ACTN1: variants seen among roughly 807,000 people sequenced by gnomAD.
The protein encoded by ACTN1 is actinin alpha 1, also known as alpha-actinin-1.
ACTN1 carries 30 observed loss-of-function variants against 119.6 expected under a neutral mutation model. The observed-to-expected ratio is 0.25, with a 90% CI of 0.19 to 0.34. ACTN1 has a LOEUF of 0.34. Ranked by LOEUF, ACTN1 falls within the 10% of genes least tolerant of loss-of-function variation. The pLI, the probability that ACTN1 is intolerant of heterozygous loss-of-function variation, is 1.00. For missense variants in ACTN1, 764 were observed against 1,223.4 expected, an observed-to-expected ratio of 0.62 and a Z score of 5.60; for synonymous variants, 429 against 472.6, an observed-to-expected ratio of 0.91 and a Z score of 1.20.
At position 68,880,909 on chromosome 14, in the gene ACTN1, G is replaced by A. The variant is rs761017313; in HGVS notation, c.2034C>T (p.Ile678=). The part of the protein sequence containing the change: ...LSHLRQYEKS[I]VNYKPKIDQL... ...GATCAATCTTTGGCTTGTAGTTGAC[G>A]ATGCTCTTCTCATACTGCCGCAGGT... The change falls in exon 17 of 22, where the codon ATC becomes ATT. Residue 678 remains isoleucine (I), a synonymous_variant. Transcript: ENST00000394419. The surrounding 1 kb of genome is among the most constrained non-coding windows in gnomAD (Gnocchi z 4.6). 19 of 1,614,060 alleles carry A rather than the reference G, an allele frequency of 1.2e-5. No homozygotes were observed. Among genetic ancestry groups the A allele is most frequent in the South Asian group, 4.4e-5 (4 of 91,076 alleles).
chr14:68,948,505 G>C (rs985719720), intron 1 of ACTN1, among the ~76,000 whole-genome samples: 1 of 152,152 alleles, frequency 6.6e-6, no homozygotes, highest in African/African-American at 2.4e-5. Context: ...TTGAACCCGG[G>C]AGGCAGAGGT....
intron 1 of ACTN1, among the ~76,000 whole-genome samples, chr14:68,931,072 G>A (rs1189254968): frequency 2.0e-5 from 3 of 152,282 alleles, no homozygotes; most frequent in African/African-American, 4.8e-5. Flanking sequence ...TGCTCCACCC[G>A]AATGACGTGG....
chr14:68,915,741 C>T (rs550197482), intron 3 of ACTN1, among the ~76,000 whole-genome samples: 11 of 152,328 alleles, frequency 7.2e-5, no homozygotes, highest in African/African-American at 1.9e-4. Context: ...TGAGGCCAGA[C>T]GCAGTGGCTC....
intron 1 of ACTN1, among the ~76,000 whole-genome samples, chr14:68,948,336 G>A (rs752696215): frequency 6.6e-6 from 1 of 152,238 alleles, no homozygotes; most frequent in Admixed American, 6.5e-5. Flanking sequence ...CAGCACTTTG[G>A]AAGGCCAAGG....
intron 9 of ACTN1, among the ~76,000 whole-genome samples, chr14:68,893,429 G>C (rs2032647205): frequency 6.6e-6 from 1 of 152,192 alleles, no homozygotes; most frequent in Non-Finnish European, 1.5e-5. Context: ...GACTCTGAGA[G>C]GCAAAGGGAT....
rs969375882 is a variant in ACTN1 at position 68,878,754 on chromosome 14, G to A, written c.2362-231C>T. 7 of 1,543,192 alleles carry A rather than the reference G, an allele frequency of 4.5e-6. No homozygotes were observed. Among genetic ancestry groups the A allele is most frequent in the Admixed American group, 1.9e-5 (1 of 51,406 alleles). On this transcript the variant is annotated intron_variant, in intron 19 of 21. Coordinates refer to ENST00000394419, the MANE Select transcript of ACTN1 (RefSeq NM_001130004.2). The surrounding 1 kb of genome is among the most constrained non-coding windows in gnomAD (Gnocchi z 4.4). ...GGGAGATGCAAAAATCCACCCATGGGATGAAGAGCAGCGAGGACGGAAGAC... is the reference window on the plus strand; with the variant it reads ...GGGAGATGCAAAAATCCACCCATGGAATGAAGAGCAGCGAGGACGGAAGAC...
rs141940950 is a variant in ACTN1, at chr14:68,950,455, C to CATGTGTGTGTGTGTGTGT, written c.106-24784_106-24783insACACACACACACACACAT. Among the ~76,000 whole-genome samples, 184 of 137,508 alleles carry CATGTGTGTGTGTGTGTGT rather than the reference C, an allele frequency of 1.3e-3. 3 individuals are homozygous for CATGTGTGTGTGTGTGTGT. The highest frequency in any genetic ancestry group is 4.4e-3 in the African/African-American group (138 of 31,344). The allele number at this position is 137,508 out of a possible 152,430, so 90.2% of individuals were successfully genotyped here. Reference sequence around the variant, plus strand: ...TGTATCTTTTACCATAATATATATGCGTGTGTGTATATATATATATATAAA... The same window carrying CATGTGTGTGTGTGTGTGT: ...TGTATCTTTTACCATAATATATATGCATGTGTGTGTGTGTGTGTGTGTGTGTATATATATATATATAAA... On this transcript the variant is annotated intron_variant, in intron 1 of 21. Transcript: ENST00000394419.
chr14:68,936,062 G>T (rs764757044), intron 1 of ACTN1, among the ~76,000 whole-genome samples: 1 of 148,952 alleles, frequency 6.7e-6, no homozygotes, highest in East Asian at 2.2e-4. Flanking sequence ...CTCTGCTAGC[G>T]CAAACAAGTC....
intron 8 of ACTN1, among the ~76,000 whole-genome samples, chr14:68,896,256 C>T (rs1472632625): frequency 1.3e-5 from 2 of 152,122 alleles, no homozygotes; most frequent in Non-Finnish European, 1.5e-5. Flanking sequence ...CCCTTTCTCT[C>T]GCAGCCTGAC....
intron 1 of ACTN1, chr14:68,977,800 T>TCCCC (rs35512297): frequency 0.016 from 5,597 of 344,288 alleles, 61 homozygotes; most frequent in East Asian, 0.049. Context: ...CGCCATCCTG[T>TCCCC]CCCCCCCCCA....
intron 2 of ACTN1, among the ~76,000 whole-genome samples, chr14:68,923,329 G>A (rs886083246): frequency 6.6e-6 from 1 of 152,186 alleles, no homozygotes; most frequent in Admixed American, 6.5e-5. Flanking sequence ...TAGGTGCTGG[G>A]GAGCTGGGCA....
intron 3 of ACTN1, among the ~76,000 whole-genome samples, chr14:68,920,103 C>T (rs1407011335): frequency 6.6e-6 from 1 of 152,224 alleles, no homozygotes; most frequent in Non-Finnish European, 1.5e-5. Context: ...TGAGTTCTGG[C>T]TTTGCCACTT....
chr14:68,901,003 G>C (rs1171310747), intron 8 of ACTN1: 1 of 152,436 alleles, frequency 6.6e-6, no homozygotes, highest in African/African-American at 2.4e-5. Context: ...CAGCAGCACA[G>C]AATAAACCCA....
chr14:68,927,356 T>A (rs957602107), intron 1 of ACTN1, among the ~76,000 whole-genome samples: 1 of 152,306 alleles, frequency 6.6e-6, no homozygotes, highest in African/African-American at 2.4e-5. Context: ...ACCCCCAGCC[T>A]GGGAGCTCTT....
At chr14:68,891,549 T>A (rs1232879534) in intron 10 of ACTN1, among the ~76,000 whole-genome samples, 2 of 152,216 alleles carry the variant, frequency 1.3e-5, no homozygotes, top group Admixed American at 6.5e-5. Flanking sequence ...TCATTTTTTT[T>A]AAAGTTGATA....
intron 1 of ACTN1, among the ~76,000 whole-genome samples, chr14:68,934,564 A>G (rs886649540): frequency 1.3e-5 from 2 of 152,272 alleles, no homozygotes; most frequent in South Asian, 2.1e-4. Flanking sequence ...AGGTGAACTA[A>G]GATGGGCACC....
chr14:68,966,772 AAGG>A (rs1361207017), intron 1 of ACTN1, among the ~76,000 whole-genome samples: 2 of 152,140 alleles, frequency 1.3e-5, no homozygotes, highest in Non-Finnish European at 2.9e-5. Context: ...GAGGGACTGG[AAGG>A]AGAAGGAAAA....
rs377620180 is a variant in ACTN1 at position 68,970,387 on chromosome 14, A to G, written c.105+8565T>C. Among the ~76,000 whole-genome samples, 8 of 152,278 alleles carry G rather than the reference A, an allele frequency of 5.3e-5. No homozygotes were observed. In the East Asian group the frequency reaches 1.4e-3, roughly 26 times the overall value. On this transcript the variant is annotated intron_variant, in intron 1 of 21. Coordinates refer to ENST00000394419, the MANE Select transcript of ACTN1 (RefSeq NM_001130004.2). ...CCCCACTCCCTCATCAACTTTCTAA[A>G]TCGTCTCAAGGCTTAAACAAGAACC...
chr14:68,967,121 G>A (rs2036732870), intron 1 of ACTN1, among the ~76,000 whole-genome samples: 1 of 152,226 alleles, frequency 6.6e-6, no homozygotes, highest in African/African-American at 2.4e-5. Context: ...CCATCCCAAT[G>A]ACAAGGCCAG....
Sources: allele counts gnomAD v4.1 joint callset (sites outside exome capture counted in the v4.1 genomes callset), GRCh38; gene constraint gnomAD v4.1.1; non-coding constraint Gnocchi (gnomAD v3.1); transcripts MANE v1.5; gene names NCBI Gene and HGNC (gene_info 2026-07-23, HGNC 2026-07-21).